Variants in PGAP1 observed in about 807,000 individuals in gnomAD.
PGAP1 encodes the protein GPI inositol-deacylase.
In PGAP1, 76 loss-of-function variants were observed where a neutral mutation model predicts 127.0. The observed-to-expected ratio is 0.60, with a 90% CI of 0.50 to 0.72. The LOEUF is 0.72. PGAP1 is among the 30% of genes least tolerant of loss of function. PGAP1 has a pLI of 0.00. For missense variants in PGAP1, 982 were observed against 1,071.3 expected (o/e 0.92, Z 1.16); for synonymous variants, 362 against 366.5 (o/e 0.99, Z 0.14).
Position 196,892,400 on chromosome 2 carries a change from C to A in PGAP1, c.1035G>T (p.Gly345=). Residue 345 remains glycine, a splice_region_variant and synonymous_variant, in exon 9 of 27, where the codon GGG becomes GGT. Transcript: ENST00000354764. ...ENPAIISDLT[G]TSMWVLVKVS... The stretch of plus-strand genomic sequence containing the variant: ...CTTTTACTAGAACCCACATAGATGT[C>A]CCTGAAGGTAAAGGAAATTAATTTA... 1 of 1,407,308 alleles carries A rather than the reference C, an allele frequency of 7.1e-7. No individual in the cohort carries two copies. The highest frequency in any genetic ancestry group is 2.4e-5 in the East Asian group (1 of 42,062). 87.2% of individuals were successfully genotyped at this position (1,407,308 alleles called of 1,614,324 possible). A position where few individuals can be genotyped will look rare whatever the true frequency, so the allele number is the denominator to read the frequency against.
Position 196,841,084 on chromosome 2 carries a change from A to T in PGAP1, c.*150T>A. ...CATGCTTCAACTACTTCCCTCAAAC[A>T]TTACAAAACTAATTTCCTATTTTCA... On this transcript the variant is annotated 3_prime_UTR_variant, in exon 27 of 27. Coordinates refer to ENST00000354764, the MANE Select transcript of PGAP1 (RefSeq NM_024989.4). The T allele has an allele frequency of 2.2e-6, 2 of 926,856 alleles. No individual in the cohort carries two copies. The highest frequency in any genetic ancestry group is 3.2e-6 in the Non-Finnish European group (2 of 623,320). 57.4% of individuals were successfully genotyped at this position (926,856 alleles called of 1,614,324 possible).
At chr2:196,871,548 A>G (rs1417005197) in intron 18 of PGAP1, among the ~76,000 whole-genome samples, 1 of 152,146 alleles carries the variant, frequency 6.6e-6, no homozygotes, top group Non-Finnish European at 1.5e-5. Flanking sequence ...CTTTAATATT[A>G]TAAATATGAA....
intron 5 of PGAP1, among the ~76,000 whole-genome samples, chr2:196,900,210 T>C (rs1559363034): frequency 6.6e-6 from 1 of 152,170 alleles, no homozygotes; most frequent in Non-Finnish European, 1.5e-5. Flanking sequence ...GAATGCCCAC[T>C]CTCAGCCTGA....
chr2:196,926,693 AGCGT>A lies in PGAP1; in HGVS notation c.-81_-78del, dbSNP rs1559377862. 2.5e-6 allele frequency: 4 copies of A among 1,597,554 alleles called. No homozygotes were observed. The African/African-American group carries it at 5.4e-5, about 21-fold the overall frequency. On this transcript the variant is annotated 5_prime_UTR_variant, in exon 1 of 27. Coordinates refer to ENST00000354764, the MANE Select transcript of PGAP1 (RefSeq NM_024989.4). ...GCCGCGGGGCCCCAAGCCCGGACTGAGCGTGCTAGACACTGTCCGACCGCCACCC... is the reference window on the plus strand; with the variant it reads ...GCCGCGGGGCCCCAAGCCCGGACTGAGCTAGACACTGTCCGACCGCCACCC...
intron 22 of PGAP1, among the ~76,000 whole-genome samples, chr2:196,846,614 A>G (rs933764712): frequency 2.6e-5 from 4 of 152,192 alleles, no homozygotes; most frequent in Non-Finnish European, 5.9e-5. Context: ...GAGCTTTTAT[A>G]TATCTCATCT....
chr2:196,833,302 G>A lies in PGAP1; in HGVS notation c.*7932C>T, dbSNP rs575138560. Reference sequence around the variant, plus strand: ...AAATGTATTTAATATACTATACATTGTACAAAGTACTGGAGATCATGCATG... The same window carrying A: ...AAATGTATTTAATATACTATACATTATACAAAGTACTGGAGATCATGCATG... On this transcript the variant is annotated 3_prime_UTR_variant, in exon 27 of 27. Coordinates refer to ENST00000354764, the MANE Select transcript of PGAP1 (RefSeq NM_024989.4). 1.3e-5 allele frequency: 2 copies of A among 152,110 alleles called. No individual in the cohort carries two copies. Among genetic ancestry groups the A allele is most frequent in the Non-Finnish European group, 2.9e-5 (2 of 68,002 alleles). The allele number at this position is 152,110 out of a possible 1,614,324, so 9.4% of individuals were successfully genotyped here.
chr2:196,889,410 C>A (rs1702024107), intron 10 of PGAP1, among the ~76,000 whole-genome samples: 1 of 151,712 alleles, frequency 6.6e-6, no homozygotes, highest in Non-Finnish European at 1.5e-5. Context: ...CAAATGTCAG[C>A]ATCTCCAGCA....
chr2:196,876,840 G>A (rs1321401465), intron 13 of PGAP1, among the ~76,000 whole-genome samples: 1 of 151,878 alleles, frequency 6.6e-6, no homozygotes, highest in African/African-American at 2.4e-5. Flanking sequence ...CATACACTTG[G>A]GGGAATAAAA....
In PGAP1 at chr2:196,873,557, T is replaced by C. The variant is rs781288060; in HGVS notation, c.1523A>G (p.Asn508Ser). 1.9e-6 allele frequency: 3 copies of C among 1,611,098 alleles called. No individual in the cohort carries two copies. Among genetic ancestry groups the C allele is most frequent in the Non-Finnish European group, 2.5e-6 (3 of 1,178,396 alleles). ...FGQIYQAFKI[N>S]VVSKCSAVKE... Reference sequence around the variant, plus strand: ...GACTGCTGAGCACTTGCTTACCACGTTGATTTTAAAAGCTTGGTATATCTA... The same window carrying C: ...GACTGCTGAGCACTTGCTTACCACGCTGATTTTAAAAGCTTGGTATATCTA... The change falls in exon 16 of 27, where the codon AAC becomes AGC. Residue 508 changes from asparagine (N) to serine (S), a missense_variant. Asn to Ser is a conservative substitution (Grantham distance 46). Transcript: ENST00000354764.
At chr2:196,880,228 T>G (rs1315535297) in intron 12 of PGAP1, 75 bp from the exon 13 acceptor site, 2 of 890,160 alleles carry the variant, frequency 2.2e-6, no homozygotes, top group East Asian at 6.1e-5. Flanking sequence ...AAATAACACT[T>G]ATTTCTTACT....
chr2:196,911,676 C>A (rs1236424226), intron 4 of PGAP1, among the ~76,000 whole-genome samples: 2 of 132,966 alleles, frequency 1.5e-5, no homozygotes, highest in South Asian at 4.9e-4. Context: ...AAGCTATATA[C>A]ATTTACTAAC....
chr2:196,893,048 A>G (rs1034790180), intron 8 of PGAP1, 92 bp downstream of exon 8: 10 of 613,218 alleles, frequency 1.6e-5, no homozygotes, highest in African/African-American at 1.5e-4. Context: ...GAAGTATCAC[A>G]GTTTCAAAGA....
At chr2:196,922,628 G>A in intron 1 of PGAP1, 6 of 545,774 alleles carry the variant, frequency 1.1e-5, no homozygotes, top group Non-Finnish European at 1.4e-5. Flanking sequence ...CAAAGCTTAA[G>A]AGAGAGACAT....
chr2:196,921,449 A>C (rs1457149060), intron 1 of PGAP1, among the ~76,000 whole-genome samples: 1 of 152,180 alleles, frequency 6.6e-6, no homozygotes, highest in Non-Finnish European at 1.5e-5. Context: ...CACAGAATAC[A>C]ATCAAAAATG....
In PGAP1 at chr2:196,842,835, T is replaced by TA. The variant is rs746976577; in HGVS notation, c.2526-11dup. Reference sequence around the variant, plus strand: ...AAGTTTAAAATAATACCTATAATATTAAAAAAAGAAACCCACAAATCAACA... The same window carrying TA: ...AAGTTTAAAATAATACCTATAATATTAAAAAAAAGAAACCCACAAATCAACA... On this transcript the variant is annotated splice_polypyrimidine_tract_variant and intron_variant, in intron 25 of 26. Coordinates refer to ENST00000354764, the MANE Select transcript of PGAP1 (RefSeq NM_024989.4). 1.5e-6 allele frequency: 2 copies of TA among 1,308,248 alleles called. No individual in the cohort carries two copies. Among genetic ancestry groups the TA allele is most frequent in the South Asian group, 2.8e-5 (2 of 71,792 alleles). The allele number at this position is 1,308,248 out of a possible 1,614,324, so 81.0% of individuals were successfully genotyped here. A position where few individuals can be genotyped will look rare whatever the true frequency, so the allele number is the denominator to read the frequency against.
intron 23 of PGAP1, 64 bp from the exon 24 acceptor site, chr2:196,844,638 G>A (rs759098145): frequency 1.0e-4 from 120 of 1,167,254 alleles, no homozygotes; most frequent in Non-Finnish European, 1.3e-4. Flanking sequence ...TAAGCCTTTT[G>A]GTATTAAAAA....
At chr2:196,845,185 T>G (rs969096197) in intron 23 of PGAP1, among the ~76,000 whole-genome samples, 4 of 151,986 alleles carry the variant, frequency 2.6e-5, no homozygotes, top group Non-Finnish European at 5.9e-5. Flanking sequence ...AATAATTTTT[T>G]AAGAAGCATA....
chr2:196,862,434 G>C (rs1029332698), intron 20 of PGAP1, among the ~76,000 whole-genome samples: 1 of 152,086 alleles, frequency 6.6e-6, no homozygotes, highest in Non-Finnish European at 1.5e-5. Context: ...TTTCGCCCCG[G>C]TCCTGTGGTC....
intron 9 of PGAP1, 70 bp from the exon 10 acceptor site, chr2:196,890,981 A>T (rs1234152362): frequency 1.3e-6 from 1 of 759,824 alleles, no homozygotes; most frequent in East Asian, 2.5e-5. Flanking sequence ...AAAAATCCAG[A>T]TATAGCAAAT....
Sources: gnomAD v4.1 joint callset for allele counts (sites outside exome capture counted in the v4.1 genomes callset) on GRCh38, gnomAD v4.1.1 for gene constraint, MANE v1.5 for transcripts, NCBI Gene and HGNC (gene_info 2026-07-23, HGNC 2026-07-21) for gene names.